The following DENND11 variants were observed in gnomAD, a reference collection of about 807,000 sequenced individuals.
The protein encoded by DENND11 is DENN domain containing 11, also known as DENN domain-containing protein 11.
Under a neutral mutation model 49.2 loss-of-function variants are expected in DENND11, and 34 were observed. The observed-to-expected ratio is 0.69, with a 90% CI of 0.53 to 0.92. DENND11 has a LOEUF of 0.92. Among genes scored for constraint, DENND11 ranks in the 40% least tolerant of loss-of-function variants. The probability of loss-of-function intolerance (pLI) is 0.00; values close to 1 mark genes in which losing one functional copy is unlikely to be tolerated. For missense variants in DENND11, 475 were observed against 581.6 expected, an observed-to-expected ratio of 0.82 and a Z score of 1.88; for synonymous variants, 238 against 230.3, an observed-to-expected ratio of 1.03 and a Z score of -0.30.
intron 4 of DENND11, among the ~76,000 whole-genome samples, chr7:141,668,131 T>C (rs1351997839): frequency 4.6e-5 from 7 of 152,178 alleles, no homozygotes; most frequent in Non-Finnish European, 8.8e-5. Flanking sequence ...GCCCAATGTA[T>C]ATTTTATAGG....
In DENND11 at chr7:141,687,832, C is replaced by T. The variant is rs1167993259; in HGVS notation, c.269-1174G>A. Among the ~76,000 whole-genome samples the T allele has an allele frequency of 7.9e-5, 12 of 152,178 alleles. No homozygotes were observed. The South Asian group carries it at 2.1e-3, about 26-fold the overall frequency. On this transcript the variant is annotated intron_variant, in intron 1 of 8. Coordinates refer to ENST00000536163, the MANE Select transcript of DENND11 (RefSeq NM_001080392.2). ...TGTATTTTTAGTGGAGACGGGGTTT[C>T]ACCATGTTAGCCAGGATGGTCTCAA...
chr7:141,686,517 G>C (rs1427765973), intron 2 of DENND11, 42 bp downstream of exon 2: 3 of 1,277,902 alleles, frequency 2.3e-6, no homozygotes, highest in Non-Finnish European at 3.4e-6. Flanking sequence ...TGTGGAGGTG[G>C]GGGGAATGGT....
chr7:141,699,681 T>C (rs1332446958), intron 1 of DENND11, among the ~76,000 whole-genome samples: 1 of 152,178 alleles, frequency 6.6e-6, no homozygotes, highest in Non-Finnish European at 1.5e-5. Context: ...CAGCATAGTA[T>C]ACTAGAAAGA....
Position 141,685,620 on chromosome 7 carries a change from G to T in DENND11, c.385C>A (p.Pro129Thr). ...GCAAAGCAGGCCAGGCCGAAGAAGGGCCCCTTTCGGAAATAGCTAGAAGAG... is the reference window on the plus strand; with the variant it reads ...GCAAAGCAGGCCAGGCCGAAGAAGGTCCCCTTTCGGAAATAGCTAGAAGAG... ...QSDFIYFRKG[P>T]FFGLACFANM... Residue 129 changes from proline to threonine, a missense_variant, in exon 3 of 9, where the codon CCC (proline) becomes ACC (threonine). Pro to Thr is a conservative substitution (Grantham distance 38, BLOSUM62 -1). Transcript: ENST00000536163. The T allele has an allele frequency of 6.2e-7, 1 of 1,613,994 alleles. No individual in the cohort carries two copies. The highest frequency in any genetic ancestry group is 8.5e-7 in the Non-Finnish European group (1 of 1,179,898).
At chr7:141,664,871 G>C in intron 7 of DENND11, 33 bp downstream of exon 7, 1 of 1,591,858 alleles carries the variant, frequency 6.3e-7, no homozygotes, top group Non-Finnish European at 8.6e-7. Flanking sequence ...TGAGGAGGGT[G>C]GAGCCCCTGG....
In DENND11 at chr7:141,690,346, C is replaced by T. The variant is rs187406153; in HGVS notation, c.269-3688G>A. Among the ~76,000 whole-genome samples the T allele has an allele frequency of 2.1e-3, 316 of 152,318 alleles. 7 individuals carry two copies. Among genetic ancestry groups the T allele is most frequent in the Admixed American group, 0.018 (272 of 15,308 alleles). On this transcript the variant is annotated intron_variant, in intron 1 of 8. Coordinates refer to ENST00000536163, the MANE Select transcript of DENND11 (RefSeq NM_001080392.2). ...CTGGATACAGTAACAGCCTGATCCG[C>T]GTTCCCACCTATCTTCATGAGTTTC...
In DENND11 at chr7:141,686,640, C is replaced by T. The variant is rs773794432; in HGVS notation, c.287G>A (p.Cys96Tyr). The T allele has an allele frequency of 5.0e-6, 8 of 1,611,882 alleles. No individual in the cohort carries two copies. The East Asian group carries it at 1.8e-4, about 36-fold the overall frequency. Residue 96 changes from cysteine (C) to tyrosine (Y), a missense_variant, in exon 2 of 9, where the codon TGC becomes TAC. Cys to Tyr is a radical substitution (Grantham distance 194). Coordinates refer to ENST00000536163, the MANE Select transcript of DENND11 (RefSeq NM_001080392.2). ...TTCAAGGTCAATATCTTGAGGTAAG[C>T]ACCATTCTACCATGTTTCCTGCAGG... ...DPRSGNMVEW[C>Y]LPQDIDLEGV... is the part of the protein sequence containing the mutation.
At chr7:141,685,786 G>T in intron 2 of DENND11, 150 bp from the exon 3 acceptor site, 1 of 824,902 alleles carries the variant, frequency 1.2e-6, no homozygotes, top group Non-Finnish European at 1.9e-6. Flanking sequence ...TGACCTCACT[G>T]ATGAGCTTGA....
rs1798530328 is a variant in DENND11, at chr7:141,702,038, C to T, written c.116G>A (p.Gly39Asp). The change falls in exon 1 of 9, where the codon GGC (glycine) becomes GAC (aspartate). Residue 39 changes from glycine (G) to aspartate (D), a missense_variant. Physicochemically the swap from Gly to Asp is moderately conservative, Grantham distance 94. Transcript: ENST00000536163. Reference sequence around the variant, plus strand: ...GGGCGGCTCCGCGGCCGGCCGGGCGCCCCCGCCGCCGCCCCGGCCCCAGCC... The same window carrying T: ...GGGCGGCTCCGCGGCCGGCCGGGCGTCCCCGCCGCCGCCCCGGCCCCAGCC... Reference protein sequence around the residue: ...AGGWGRGGGGGARPAAEPPRR... With the variant: ...AGGWGRGGGGDARPAAEPPRR... 1 of 1,007,516 alleles carries T rather than the reference C, an allele frequency of 9.9e-7. No individual in the cohort carries two copies. The highest frequency in any genetic ancestry group is 1.0e-4 in the East Asian group (1 of 9,960). The allele number at this position is 1,007,516 out of a possible 1,614,324, so 62.4% of individuals were successfully genotyped here. A position where few individuals can be genotyped will look rare whatever the true frequency, so the allele number is the denominator to read the frequency against.
At chr7:141,694,062 A>G (rs369521459) in intron 1 of DENND11, among the ~76,000 whole-genome samples, 68 of 152,332 alleles carry the variant, frequency 4.5e-4, no homozygotes, top group African/African-American at 1.6e-3. Flanking sequence ...TTATATGTGT[A>G]TGAGTGAGGG....
intron 3 of DENND11, among the ~76,000 whole-genome samples, chr7:141,674,928 C>A (rs114744451): frequency 2.0e-5 from 3 of 152,158 alleles, no homozygotes; most frequent in East Asian, 1.9e-4. Context: ...TCCTGCCCCC[C>A]AGTGGAGCGC....
Position 141,659,126 on chromosome 7 carries a change from G to A in DENND11, c.*3530C>T, listed in dbSNP as rs1021207434. Reference sequence around the variant, plus strand: ...AAAACAAGGTAAGTTATAGATGCAAGTTCCTAAGCTAAATTACTTCTATTG... The same window carrying A: ...AAAACAAGGTAAGTTATAGATGCAAATTCCTAAGCTAAATTACTTCTATTG... On this transcript the variant is annotated 3_prime_UTR_variant, in exon 9 of 9. Coordinates refer to ENST00000536163, the MANE Select transcript of DENND11 (RefSeq NM_001080392.2). 1 of 152,182 alleles carries A rather than the reference G, an allele frequency of 6.6e-6. No homozygotes were observed. The highest frequency in any genetic ancestry group is 1.5e-5 in the Non-Finnish European group (1 of 68,042). 9.4% of individuals were successfully genotyped at this position (152,182 alleles called of 1,614,324 possible). A position where few individuals can be genotyped will look rare whatever the true frequency, so the allele number is the denominator to read the frequency against.
intron 3 of DENND11, among the ~76,000 whole-genome samples, chr7:141,676,533 T>C (rs986872295): frequency 6.6e-6 from 1 of 152,170 alleles, no homozygotes; most frequent in Non-Finnish European, 1.5e-5. Context: ...GCCTCAGATA[T>C]TACTGACTGA....
chr7:141,668,925 C>T (rs1046223736), intron 4 of DENND11, among the ~76,000 whole-genome samples: 2 of 152,180 alleles, frequency 1.3e-5, no homozygotes, highest in Non-Finnish European at 2.9e-5. Flanking sequence ...CATGTTTTCC[C>T]TCCAACCTTT....
At chr7:141,699,934 A>G (rs1362436236) in intron 1 of DENND11, among the ~76,000 whole-genome samples, 1 of 152,062 alleles carries the variant, frequency 6.6e-6, no homozygotes, top group Non-Finnish European at 1.5e-5. Context: ...ACACACACAC[A>G]CACACACACT....
chr7:141,680,385 G>A (rs953588136), intron 3 of DENND11, among the ~76,000 whole-genome samples: 1 of 152,084 alleles, frequency 6.6e-6, no homozygotes, highest in Non-Finnish European at 1.5e-5. Context: ...ACTTTGGGAT[G>A]ATACATGAGA....
intron 3 of DENND11, 89 bp from the exon 4 acceptor site, chr7:141,674,309 A>T: frequency 7.2e-7 from 1 of 1,393,034 alleles, no homozygotes; most frequent in Non-Finnish European, 9.3e-7. Flanking sequence ...CCCTCCGCCC[A>T]CCTCAAGGGG....
chr7:141,686,516 G>T lies in DENND11; in HGVS notation c.368+43C>A, dbSNP rs769642721. The stretch of plus-strand genomic sequence containing the variant: ...TCAGCTTTGGGGAAAGTGTGGAGGT[G>T]GGGGGAATGGTACGAAGATGACTCC... On this transcript the variant is annotated intron_variant, in intron 2 of 8. Transcript: ENST00000536163. 7.1e-6 allele frequency: 9 copies of T among 1,263,534 alleles called. 1 individual carries two copies. The South Asian group carries it at 8.7e-5, about 12-fold the overall frequency. 78.3% of individuals were successfully genotyped at this position (1,263,534 alleles called of 1,614,324 possible).
At chr7:141,694,318 T>C (rs1798376154) in intron 1 of DENND11, among the ~76,000 whole-genome samples, 1 of 152,048 alleles carries the variant, frequency 6.6e-6, no homozygotes, top group South Asian at 2.1e-4. Flanking sequence ...TGGAGTGCAG[T>C]GGCCCAATCA....
Sources: allele counts gnomAD v4.1 joint callset (sites outside exome capture counted in the v4.1 genomes callset), GRCh38; gene constraint gnomAD v4.1.1; transcripts MANE v1.5; gene names NCBI Gene and HGNC (gene_info 2026-07-23, HGNC 2026-07-21).